DENND2A: variants seen among roughly 807,000 people sequenced by gnomAD.
DENND2A encodes DENN domain-containing protein 2A.
A neutral mutation model predicts 105.3 loss-of-function variants in DENND2A; 53 were observed. The observed-to-expected ratio is 0.50, with a 90% CI of 0.40 to 0.63. DENND2A has a LOEUF of 0.63. Among genes scored for constraint, DENND2A ranks in the 30% least tolerant of loss-of-function variants. The pLI is 0.00. For missense variants in DENND2A, 1,138 were observed against 1,279.6 expected (o/e 0.89, Z 1.69); for synonymous variants, 522 against 508.4 (o/e 1.03, Z -0.36).
chr7:140,547,721 C>T (rs1796964263), intron 12 of DENND2A, among the ~76,000 whole-genome samples: 1 of 152,104 alleles, frequency 6.6e-6, no homozygotes, highest in South Asian at 2.1e-4. Context: ...ATAGCCACAA[C>T]ACAGAAGAAA....
At chr7:140,552,100 C>A (rs556658803) in intron 12 of DENND2A, among the ~76,000 whole-genome samples, 1 of 152,190 alleles carries the variant, frequency 6.6e-6, no homozygotes, top group Admixed American at 6.5e-5. Context: ...AGCATTCTGA[C>A]AACAACAAAG....
intron 1 of DENND2A, among the ~76,000 whole-genome samples, chr7:140,616,261 C>G (rs1457681391): frequency 1.3e-5 from 2 of 152,094 alleles, no homozygotes; most frequent in Admixed American, 6.6e-5. Context: ...AAGCTAGAGG[C>G]TGAGGCAGGA....
chr7:140,602,057 G>A lies in DENND2A; in HGVS notation c.341C>T (p.Ala114Val). 6.2e-7 allele frequency: 1 copy of A among 1,614,166 alleles called. No individual in the cohort carries two copies. ...TGGGTCCTGTCCCCCGACGTTCACT[G>A]CTCCTTTATTCCTCTCCTTCTCTGT... is the stretch of plus-strand genomic sequence containing the variant. ...ESTEKERNKG[A>V]VNVGGQDPEP... is the part of the protein sequence containing the mutation. Residue 114 changes from alanine to valine, a missense_variant, in exon 3 of 20, where the codon GCA (alanine) becomes GTA (valine). Ala to Val is a moderately conservative substitution (Grantham distance 64). Transcript: ENST00000496613.
At chr7:140,612,322 G>A (rs1237426079) in intron 1 of DENND2A, among the ~76,000 whole-genome samples, 1 of 152,074 alleles carries the variant, frequency 6.6e-6, no homozygotes, top group African/African-American at 2.4e-5. Flanking sequence ...TAAGTACAGT[G>A]TATATTCCGT....
In DENND2A at chr7:140,559,952, CT is replaced by C; in HGVS notation, c.1780-136del. On this transcript the variant is annotated intron_variant, in intron 9 of 19. Coordinates refer to ENST00000496613, the MANE Select transcript of DENND2A (RefSeq NM_015689.5). This position sits in a 1 kb window ranked among gnomAD's most constrained non-coding sequence, Gnocchi z 4.1. Reference sequence around the variant, plus strand: ...CCTTAGCCTCTTCCCTTGGGAAGAGCTTGCAGCTCAGTCGGCTGGGGCATTT... The same window carrying C: ...CCTTAGCCTCTTCCCTTGGGAAGAGCTGCAGCTCAGTCGGCTGGGGCATTT... 1.4e-6 allele frequency: 1 copy of C among 707,894 alleles called. No individual in the cohort carries two copies. The highest frequency in any genetic ancestry group is 2.5e-6 in the Non-Finnish European group (1 of 397,888). 43.9% of individuals were successfully genotyped at this position (707,894 alleles called of 1,614,324 possible).
At chr7:140,603,279 CTG>C (rs1257479757) in intron 2 of DENND2A, among the ~76,000 whole-genome samples, 5 of 152,056 alleles carry the variant, frequency 3.3e-5, no homozygotes, top group Non-Finnish European at 7.4e-5. Flanking sequence ...GAGAGAGACT[CTG>C]TCTCAAAAAT....
At chr7:140,547,087 C>G in intron 12 of DENND2A, 148 bp from the exon 13 acceptor site, 1 of 964,762 alleles carries the variant, frequency 1.0e-6, no homozygotes, top group Non-Finnish European at 1.5e-6. Flanking sequence ...GCCCTTTGAC[C>G]CTACACATGA....
rs142285357 is a variant in DENND2A at position 140,640,198 on chromosome 7, C to T, written c.-248+306G>A. On this transcript the variant is annotated intron_variant, in intron 1 of 19. Transcript: ENST00000496613. This position sits in a 1 kb window ranked among gnomAD's most constrained non-coding sequence, Gnocchi z 4.9. ...GCGCGGACACACACACACTCACACT[C>T]GCGCCCCGAGGGACCCAGCACGGCG... 1 of 152,642 alleles carries T rather than the reference C, an allele frequency of 6.6e-6. No homozygotes were observed. The highest frequency in any genetic ancestry group is 1.5e-5 in the Non-Finnish European group (1 of 68,438). The allele number at this position is 152,642 out of a possible 1,614,324, so 9.5% of individuals were successfully genotyped here.
At chr7:140,547,791 A>G (rs144335173) in intron 12 of DENND2A, among the ~76,000 whole-genome samples, 33 of 152,354 alleles carry the variant, frequency 2.2e-4, no homozygotes, top group African/African-American at 7.5e-4. Flanking sequence ...ATATAATGGA[A>G]TATTATTTGG....
chr7:140,611,607 G>A (rs1799901478), intron 1 of DENND2A, among the ~76,000 whole-genome samples: 1 of 152,086 alleles, frequency 6.6e-6, no homozygotes, highest in African/African-American at 2.4e-5. Context: ...TTTAAAAAGT[G>A]GTCTATCTGT....
At chr7:140,567,028 C>T in intron 9 of DENND2A, 58 bp downstream of exon 9, 1 of 1,466,872 alleles carries the variant, frequency 6.8e-7, no homozygotes. Context: ...ATTCATGAGT[C>T]CCAACAAGGT....
intron 3 of DENND2A, among the ~76,000 whole-genome samples, chr7:140,593,567 G>A (rs1245937008): frequency 3.3e-5 from 5 of 152,180 alleles, no homozygotes; most frequent in Admixed American, 6.5e-5. Flanking sequence ...TGGACAATGC[G>A]GAAGAATCTC....
chr7:140,549,108 C>G (rs1797017250), intron 12 of DENND2A, among the ~76,000 whole-genome samples: 1 of 151,652 alleles, frequency 6.6e-6, no homozygotes, highest in Non-Finnish European at 1.5e-5. Context: ...CAGATATATT[C>G]CCAGATACAT....
At chr7:140,578,939 A>G (rs185193114) in intron 5 of DENND2A, among the ~76,000 whole-genome samples, 130 of 152,336 alleles carry the variant, frequency 8.5e-4, no homozygotes, top group Non-Finnish European at 1.5e-3. Context: ...ATGACATTCT[A>G]TGAAGATAAT....
intron 5 of DENND2A, among the ~76,000 whole-genome samples, chr7:140,578,340 A>C (rs1401661845): frequency 6.6e-6 from 1 of 152,094 alleles, no homozygotes; most frequent in African/African-American, 2.4e-5. Flanking sequence ...TGGTGGCTCA[A>C]TTCCTTCCAG....
chr7:140,575,789 GAAACCCCAGT>G (rs1346993390), intron 5 of DENND2A, among the ~76,000 whole-genome samples: 1 of 152,028 alleles, frequency 6.6e-6, no homozygotes, highest in Non-Finnish European at 1.5e-5. Context: ...CCAATATGGT[GAAACCCCAGT>G]CTCTATTAAA....
intron 17 of DENND2A, among the ~76,000 whole-genome samples, chr7:140,522,645 G>A (rs568548378): frequency 1.4e-5 from 2 of 147,314 alleles, no homozygotes; most frequent in Admixed American, 1.4e-4. Context: ...GTCTTGCTCT[G>A]TCTCCCAGGC....
intron 1 of DENND2A, among the ~76,000 whole-genome samples, chr7:140,639,607 G>A (rs1202221132): frequency 6.6e-6 from 1 of 152,096 alleles, no homozygotes; most frequent in Non-Finnish European, 1.5e-5. Context: ...AACCACAGAG[G>A]GTTTAAGAGT....
chr7:140,558,052 G>T (rs1797452626), intron 11 of DENND2A, 91 bp downstream of exon 11: 2 of 1,006,818 alleles, frequency 2.0e-6, no homozygotes, highest in Non-Finnish European at 3.0e-6. Context: ...GGGAATCTCA[G>T]TCTCACGGGA....
Sources: gnomAD v4.1 joint callset for allele counts (sites outside exome capture counted in the v4.1 genomes callset) on GRCh38, gnomAD v4.1.1 for gene constraint, Gnocchi (gnomAD v3.1) non-coding constraint, MANE v1.5 for transcripts, NCBI Gene and HGNC (gene_info 2026-07-23, HGNC 2026-07-21) for gene names.